The following OPCML variants were observed in gnomAD, a reference collection of about 807,000 sequenced individuals.
OPCML encodes opioid binding protein/cell adhesion molecule like, also known as opioid-binding protein/cell adhesion molecule.
Under a neutral mutation model 37.8 loss-of-function variants are expected in OPCML, and 13 were observed. The observed-to-expected ratio is 0.34, with a 90% confidence interval of 0.22 to 0.55. OPCML has a LOEUF of 0.55. Among genes scored for constraint, OPCML ranks in the 20% least tolerant of loss-of-function variants. The pLI, the probability that OPCML is intolerant of heterozygous loss-of-function variation, is 0.91. For synonymous variants in OPCML, 176 were observed against 168.8 expected (o/e 1.04, Z -0.33); for missense variants, 341 against 435.6 (o/e 0.78, Z 1.93).
In OPCML at chr11:132,585,013, G is replaced by A. The variant is rs189166406; in HGVS notation, c.380-55827C>T. ...TGTGATTGGCAGACTCGTTACAAGAGTAGGTTACAGTCTGTCTACACATCC... is the reference window on the plus strand; with the variant it reads ...TGTGATTGGCAGACTCGTTACAAGAATAGGTTACAGTCTGTCTACACATCC... On this transcript the variant is annotated intron_variant, in intron 3 of 7. Transcript: ENST00000524381. Among the ~76,000 whole-genome samples, 165 of 152,322 alleles carry A rather than the reference G, an allele frequency of 1.1e-3. 2 individuals carry two copies. The highest frequency in any genetic ancestry group is 5.9e-4 in the Admixed American group (9 of 15,300).
At chr11:132,848,818 A>G (rs939793446) in intron 2 of OPCML, among the ~76,000 whole-genome samples, 4 of 152,248 alleles carry the variant, frequency 2.6e-5, no homozygotes, top group African/African-American at 9.6e-5. Flanking sequence ...CATTTCCTAT[A>G]GAATGGTAAC....
At chr11:132,645,233 A>G (rs1178923478) in intron 3 of OPCML, among the ~76,000 whole-genome samples, 2 of 152,230 alleles carry the variant, frequency 1.3e-5, no homozygotes, top group African/African-American at 2.4e-5. Context: ...CATGTTTTCA[A>G]TGCTACAGTG....
intron 1 of OPCML, among the ~76,000 whole-genome samples, chr11:133,525,269 A>G (rs1948467707): frequency 6.6e-6 from 1 of 152,218 alleles, no homozygotes; most frequent in African/African-American, 2.4e-5. Flanking sequence ...AAGGATGTGT[A>G]GCCAGAAAAA....
intron 1 of OPCML, among the ~76,000 whole-genome samples, chr11:133,073,179 T>C (rs77891122): frequency 0.012 from 1,778 of 152,284 alleles, 16 homozygotes; most frequent in Non-Finnish European, 0.019. Context: ...CATGGGTTCT[T>C]AACGATCTCA....
intron 1 of OPCML, among the ~76,000 whole-genome samples, chr11:133,434,493 T>C (rs995041485): frequency 6.6e-6 from 1 of 152,194 alleles, no homozygotes; most frequent in Non-Finnish European, 1.5e-5. Context: ...AATTTCATCA[T>C]GGATATTATA....
chr11:133,394,994 G>T (rs979165125), intron 1 of OPCML, among the ~76,000 whole-genome samples: 1 of 152,212 alleles, frequency 6.6e-6, no homozygotes, highest in African/African-American at 2.4e-5. Flanking sequence ...CCCACTGACA[G>T]TGTACAAGGG....
intron 4 of OPCML, among the ~76,000 whole-genome samples, chr11:132,521,917 T>G (rs1349320287): frequency 2.0e-5 from 3 of 152,202 alleles, no homozygotes; most frequent in South Asian, 2.1e-4. Flanking sequence ...TAGAGTCATA[T>G]AGGTACCATA....
intron 1 of OPCML, among the ~76,000 whole-genome samples, chr11:132,998,838 C>G (rs149438288): frequency 2.5e-4 from 38 of 152,256 alleles, no homozygotes; most frequent in Admixed American, 5.9e-4. Context: ...TTGCCAGATA[C>G]CCAATCTGTT....
intron 1 of OPCML, among the ~76,000 whole-genome samples, chr11:133,344,684 G>A (rs1441560311): frequency 1.3e-5 from 2 of 152,146 alleles, no homozygotes; most frequent in East Asian, 3.9e-4. Flanking sequence ...GTATCTAAAT[G>A]TGACACTCTG....
intron 1 of OPCML, among the ~76,000 whole-genome samples, chr11:133,319,722 A>G (rs1227683725): frequency 6.6e-6 from 1 of 152,174 alleles, no homozygotes; most frequent in East Asian, 1.9e-4. Flanking sequence ...AGTTCAAAAG[A>G]GACGGACACA....
intron 1 of OPCML, among the ~76,000 whole-genome samples, chr11:133,216,404 G>A (rs994545180): frequency 4.6e-5 from 7 of 152,210 alleles, no homozygotes; most frequent in East Asian, 3.9e-4. Context: ...CGTATTAGAC[G>A]AATTTGTTCA....
intron 1 of OPCML, among the ~76,000 whole-genome samples, chr11:133,392,558 CA>C (rs1945194720): frequency 1.3e-5 from 2 of 152,186 alleles, no homozygotes; most frequent in South Asian, 4.1e-4. Flanking sequence ...ACGTGTGCTT[CA>C]GGGGGACCTG....
At position 133,430,075 on chromosome 11, in the gene OPCML, G is replaced by A. The variant is rs115961105; in HGVS notation, c.61+102189C>T. On this transcript the variant is annotated intron_variant, in intron 1 of 7. Coordinates refer to ENST00000524381, the MANE Select transcript of OPCML (RefSeq NM_001012393.5). ...AGGAGAGGAGAGAATTGCCAGTGAG[G>A]TAGGAGGTTGTGGTGATGAAACTGT... Among the ~76,000 whole-genome samples the A allele has an allele frequency of 3.6e-3, 553 of 152,246 alleles. 7 individuals are homozygous for A. The highest frequency in any genetic ancestry group is 0.013 in the African/African-American group (524 of 41,546).
intron 1 of OPCML, chr11:133,006,777 G>T (rs1947121617): frequency 1.0e-6 from 1 of 985,442 alleles, no homozygotes. Flanking sequence ...CCTGCCCCAT[G>T]CACACAGCAG....
intron 1 of OPCML, among the ~76,000 whole-genome samples, chr11:133,491,550 C>T: frequency 6.6e-6 from 1 of 152,136 alleles, no homozygotes; most frequent in East Asian, 1.9e-4. Context: ...TCTATTTCCA[C>T]TAAGGACATC....
At chr11:132,778,435 A>G (rs1946880910) in intron 2 of OPCML, among the ~76,000 whole-genome samples, 1 of 152,244 alleles carries the variant, frequency 6.6e-6, no homozygotes, top group Admixed American at 6.5e-5. Context: ...AAGTAAAAAA[A>G]TCAAATGCAA....
At chr11:132,522,462 T>C (rs1197757920) in intron 4 of OPCML, among the ~76,000 whole-genome samples, 2 of 152,202 alleles carry the variant, frequency 1.3e-5, no homozygotes, top group African/African-American at 4.8e-5. Flanking sequence ...TATGCACTCA[T>C]CATAATACCA....
At chr11:133,420,247 G>A in intron 1 of OPCML, 1 of 985,082 alleles carries the variant, frequency 1.0e-6, no homozygotes, top group Non-Finnish European at 1.2e-6. Context: ...GCACAATGCT[G>A]CAATACTGAT....
chr11:133,173,167 G>A lies in OPCML; in HGVS notation c.62-230157C>T, dbSNP rs984209970. Among the ~76,000 whole-genome samples, 2 of 152,124 alleles carry A rather than the reference G, an allele frequency of 1.3e-5. No individual in the cohort carries two copies. The highest frequency in any genetic ancestry group is 6.5e-5 in the Admixed American group (1 of 15,274). ...CATGCTTTAAAAAAATTACATGTGA[G>A]GGAATATTTCATATGAATTCCTAAG... On this transcript the variant is annotated intron_variant, in intron 1 of 7. Coordinates refer to ENST00000524381, the MANE Select transcript of OPCML (RefSeq NM_001012393.5). This position sits in a 1 kb window ranked among gnomAD's most constrained non-coding sequence, Gnocchi z 7.8.
Sources: allele counts gnomAD v4.1 joint callset (sites outside exome capture counted in the v4.1 genomes callset), GRCh38; gene constraint gnomAD v4.1.1; non-coding constraint Gnocchi (gnomAD v3.1); transcripts MANE v1.5; gene names NCBI Gene and HGNC (gene_info 2026-07-23, HGNC 2026-07-21).